The following CAP2 variants were observed in gnomAD, a reference collection of about 807,000 sequenced individuals.
CAP2 encodes the protein adenylyl cyclase-associated protein 2.
CAP2 carries 24 observed loss-of-function variants against 57.7 expected under a neutral mutation model. The ratio of observed to expected loss-of-function variants is 0.42; its 90% CI spans 0.30 to 0.58. The LOEUF (loss-of-function observed/expected upper bound fraction) is 0.58, where lower values mean the gene tolerates loss of function less well. Ranked by LOEUF, CAP2 falls within the 20% of genes least tolerant of loss-of-function variation. The pLI, the probability that CAP2 is intolerant of heterozygous loss-of-function variation, is 0.22. For missense variants in CAP2, 501 were observed against 590.3 expected, an observed-to-expected ratio of 0.85 and a Z score of 1.57; for synonymous variants, 194 against 207.2, an observed-to-expected ratio of 0.94 and a Z score of 0.55.
In CAP2 at chr6:17,513,423, A is replaced by C. The variant is rs1762202550; in HGVS notation, c.531-426A>C. 2.0e-5 allele frequency among the ~76,000 whole-genome samples: 3 copies of C among 151,594 alleles called. No homozygotes were observed. The highest frequency in any genetic ancestry group is 6.6e-5 in the Admixed American group (1 of 15,250). ...GAATTATTAGAAAATGAACCCAATG[A>C]CTTTTTTTTTCTTTTTAATACCATT... On this transcript the variant is annotated intron_variant, in intron 6 of 12. Transcript: ENST00000229922. The surrounding 1 kb of genome is among the most constrained non-coding windows in gnomAD (Gnocchi z 4.3).
At chr6:17,551,393 A>T in intron 11 of CAP2, 71 bp from the exon 12 acceptor site, 1 of 1,234,056 alleles carries the variant, frequency 8.1e-7, no homozygotes, top group Admixed American at 2.0e-5. Context: ...AGGAATTGAG[A>T]TTGTATTTAT....
chr6:17,513,627 G>A lies in CAP2; in HGVS notation c.531-222G>A, dbSNP rs1445781766. 6.6e-6 allele frequency among the ~76,000 whole-genome samples: 1 copy of A among 152,078 alleles called. No homozygotes were observed. The highest frequency in any genetic ancestry group is 2.4e-5 in the African/African-American group (1 of 41,416). On this transcript the variant is annotated intron_variant, in intron 6 of 12. Transcript: ENST00000229922. This position sits in a 1 kb window ranked among gnomAD's most constrained non-coding sequence, Gnocchi z 4.3. The stretch of plus-strand genomic sequence containing the variant: ...GTGGTACCTCTGCTCCATACCCGGA[G>A]CTCAGGGCATCCGGCCACCTGCCGC...
intron 7 of CAP2, among the ~76,000 whole-genome samples, chr6:17,524,553 G>A (rs569704563): frequency 1.4e-4 from 21 of 152,146 alleles, no homozygotes; most frequent in Non-Finnish European, 2.1e-4. Context: ...GCCCAGAGTA[G>A]CAGCTCAGGG....
intron 3 of CAP2, among the ~76,000 whole-genome samples, chr6:17,427,634 G>A (rs6928930): frequency 0.25 from 37,075 of 150,916 alleles, 8,703 homozygotes; most frequent in African/African-American, 0.62. Flanking sequence ...TGGAACTACT[G>A]TAGATCCAAC....
intron 8 of CAP2, 80 bp downstream of exon 8, chr6:17,539,538 T>A: frequency 1.9e-6 from 2 of 1,060,500 alleles, no homozygotes; most frequent in Non-Finnish European, 2.8e-6. Context: ...GGAGCCCCAG[T>A]GATGGATACA....
intron 7 of CAP2, among the ~76,000 whole-genome samples, chr6:17,535,337 C>A (rs1309926033): frequency 1.3e-5 from 2 of 150,266 alleles, no homozygotes; most frequent in Non-Finnish European, 3.0e-5. Context: ...TGCAGTGGCG[C>A]AATCTCGGCT....
At chr6:17,521,546 AGCATCTACTAT>A (rs1309843947) in intron 7 of CAP2, among the ~76,000 whole-genome samples, 1 of 152,234 alleles carries the variant, frequency 6.6e-6, no homozygotes, top group Non-Finnish European at 1.5e-5. Context: ...ATATGGCTTA[AGCATCTACTAT>A]GCACTGAGTT....
chr6:17,434,390 G>A (rs989544290), intron 3 of CAP2, among the ~76,000 whole-genome samples: 24 of 151,816 alleles, frequency 1.6e-4, no homozygotes, highest in African/African-American at 5.8e-4. Context: ...CACCAAGCCC[G>A]GCTAATTTTT....
At chr6:17,451,634 C>T (rs1271049687) in intron 3 of CAP2, among the ~76,000 whole-genome samples, 3 of 151,958 alleles carry the variant, frequency 2.0e-5, no homozygotes, top group East Asian at 1.9e-4. Context: ...CTCAGCCTCT[C>T]GAGTAGCTGG....
chr6:17,514,731 A>G (rs1174761460), intron 7 of CAP2, among the ~76,000 whole-genome samples: 1 of 152,228 alleles, frequency 6.6e-6, no homozygotes, highest in Non-Finnish European at 1.5e-5. Context: ...CCTGGGCCAC[A>G]GAGTGAGACT....
chr6:17,502,851 G>T (rs1289025628), intron 4 of CAP2, among the ~76,000 whole-genome samples: 2 of 152,152 alleles, frequency 1.3e-5, no homozygotes, highest in Non-Finnish European at 2.9e-5. Flanking sequence ...AAATTAGGAA[G>T]CTTTTTTTAG....
Position 17,478,914 on chromosome 6 carries a change from T to C in CAP2, c.300+15841T>C, listed in dbSNP as rs956693684. The stretch of plus-strand genomic sequence containing the variant: ...CCTCAAAGTTTTTCCTTCTCTTGGG[T>C]AATAACACTATGCTTTCTGTCTGTT... On this transcript the variant is annotated intron_variant, in intron 4 of 12. Transcript: ENST00000229922. Among the ~76,000 whole-genome samples the C allele has an allele frequency of 2.6e-5, 4 of 152,208 alleles. No individual in the cohort carries two copies. In the East Asian group the frequency reaches 7.7e-4, roughly 29 times the overall value.
At chr6:17,541,654 G>T (rs2113700547) in intron 9 of CAP2, among the ~76,000 whole-genome samples, 1 of 152,262 alleles carries the variant, frequency 6.6e-6, no homozygotes, top group South Asian at 2.1e-4. Flanking sequence ...TCATTTCTAT[G>T]TGATGGAAGC....
At chr6:17,422,773 T>A (rs909847193) in intron 2 of CAP2, among the ~76,000 whole-genome samples, 2 of 152,176 alleles carry the variant, frequency 1.3e-5, no homozygotes, top group Non-Finnish European at 2.9e-5. Context: ...GCTCTCCAAG[T>A]TATCTACAAT....
chr6:17,402,052 C>G (rs1581486339), intron 1 of CAP2, among the ~76,000 whole-genome samples: 2 of 152,176 alleles, frequency 1.3e-5, no homozygotes, highest in African/African-American at 4.8e-5. Flanking sequence ...AAACTGTGTG[C>G]ATTTACTATA....
rs182673976 is a variant in CAP2 at position 17,498,891 on chromosome 6, G to A, written c.301-8278G>A. 3.4e-3 allele frequency among the ~76,000 whole-genome samples: 514 copies of A among 151,864 alleles called. 2 individuals carry two copies. Among genetic ancestry groups the A allele is most frequent in the Middle Eastern group, 0.017 (5 of 294 alleles). On this transcript the variant is annotated intron_variant, in intron 4 of 12. Coordinates refer to ENST00000229922, the MANE Select transcript of CAP2 (RefSeq NM_006366.3). ...TTACAGGCGCCCGCCACCACGCCCA[G>A]ATAATTTTTTTGTATCTTTAGTAGA...
chr6:17,396,636 G>T (rs1251375409), intron 1 of CAP2, among the ~76,000 whole-genome samples: 1 of 152,150 alleles, frequency 6.6e-6, no homozygotes. Flanking sequence ...TGTTGCTTAG[G>T]GCTGAAGGGG....
In CAP2 at chr6:17,536,884, GA is replaced by G. The variant is rs142139770; in HGVS notation, c.637-2384del. Among the ~76,000 whole-genome samples, 879 of 152,244 alleles carry G rather than the reference GA, an allele frequency of 5.8e-3. 10 individuals carry two copies. Among genetic ancestry groups the G allele is most frequent in the African/African-American group, 0.02 (827 of 41,550 alleles). On this transcript the variant is annotated intron_variant, in intron 7 of 12. Transcript: ENST00000229922. ...TATATTATACTCTCTTTCTGATTCA[GA>G]GCAAATTCTCAAATTTTATCCCAGT...
chr6:17,488,443 C>T (rs1761472859), intron 4 of CAP2, among the ~76,000 whole-genome samples: 2 of 152,176 alleles, frequency 1.3e-5, no homozygotes, highest in South Asian at 4.1e-4. Flanking sequence ...CCACTGTAAC[C>T]ATTTGTTCCT....
Sources: allele counts gnomAD v4.1 joint callset (sites outside exome capture counted in the v4.1 genomes callset), GRCh38; gene constraint gnomAD v4.1.1; non-coding constraint Gnocchi (gnomAD v3.1); transcripts MANE v1.5; gene names NCBI Gene and HGNC (gene_info 2026-07-23, HGNC 2026-07-21).